Variants in PCDH15 observed in about 807,000 individuals in gnomAD.
PCDH15 encodes protocadherin related 15, also known as protocadherin-15.
A neutral mutation model predicts 178.5 loss-of-function variants in PCDH15; 129 were observed. The ratio of observed to expected loss-of-function variants is 0.72; its 90% CI spans 0.63 to 0.84. The LOEUF is 0.84. Among genes scored for constraint, PCDH15 ranks in the 40% least tolerant of loss-of-function variants. The probability of loss-of-function intolerance (pLI) is 0.00; values close to 1 mark genes in which losing one functional copy is unlikely to be tolerated. For synonymous variants in PCDH15, 800 were observed against 732.0 expected, an observed-to-expected ratio of 1.09 and a Z score of -1.50; for missense variants, 2,230 against 2,099.9, an observed-to-expected ratio of 1.06 and a Z score of -1.21.
chr10:53,831,497 G>T lies in PCDH15; in HGVS notation c.4020C>A (p.Asp1340Glu). 1 of 1,614,086 alleles carries T rather than the reference G, an allele frequency of 6.2e-7. No homozygotes were observed. Among genetic ancestry groups the T allele is most frequent in the Non-Finnish European group, 8.5e-7 (1 of 1,180,000 alleles). ...LDGKLLDINK[D>E]FQPYYGEGGR... Reference sequence around the variant, plus strand: ...CTCCTTCCCCATAATACGGCTGAAAGTCTTTATTGATATCAAGTAGTTTGC... The same window carrying T: ...CTCCTTCCCCATAATACGGCTGAAATTCTTTATTGATATCAAGTAGTTTGC... The change falls in exon 30 of 38, where the codon GAC becomes GAA. Residue 1340 changes from aspartate to glutamate, a missense_variant. By Grantham distance (45) the Asp-to-Glu change is conservative. Coordinates refer to ENST00000644397, the MANE Select transcript of PCDH15 (RefSeq NM_001384140.1).
intron 2 of PCDH15, among the ~76,000 whole-genome samples, chr10:54,583,461 G>A (rs1198581876): frequency 6.6e-6 from 1 of 151,940 alleles, no homozygotes; most frequent in Admixed American, 6.6e-5. Flanking sequence ...CTAGGTGTGG[G>A]CCTGTAGACA....
chr10:54,555,527 T>G (rs2087107526), intron 2 of PCDH15, among the ~76,000 whole-genome samples: 1 of 151,246 alleles, frequency 6.6e-6, no homozygotes, highest in African/African-American at 2.4e-5. Context: ...CTCAGGAGTT[T>G]GAGACCAGCC....
intron 3 of PCDH15, among the ~76,000 whole-genome samples, chr10:54,405,152 G>A (rs1316031599): frequency 2.0e-5 from 3 of 152,038 alleles, no homozygotes; most frequent in Non-Finnish European, 4.4e-5. Flanking sequence ...CCATTACTGA[G>A]TTTATACCTG....
At chr10:53,908,446 T>C (rs1393008181) in intron 25 of PCDH15, among the ~76,000 whole-genome samples, 1 of 152,252 alleles carries the variant, frequency 6.6e-6, no homozygotes, top group Non-Finnish European at 1.5e-5. Context: ...CAAAATATGC[T>C]GTAATTATTT....
At chr10:54,966,196 A>T (rs935938458) in intron 2 of PCDH15, among the ~76,000 whole-genome samples, 36 of 151,962 alleles carry the variant, frequency 2.4e-4, no homozygotes, top group South Asian at 4.1e-4. Context: ...TAATTTTTTT[A>T]AAAAAATATT....
chr10:55,321,729 A>G (rs1335112968), upstream of PCDH15, among the ~76,000 whole-genome samples: 1 of 152,210 alleles, frequency 6.6e-6, no homozygotes, highest in East Asian at 1.9e-4. Flanking sequence ...ATAAATTCCA[A>G]CCAAGAATTT....
chr10:54,007,160 T>C (rs1215072520), intron 20 of PCDH15, among the ~76,000 whole-genome samples: 2 of 152,224 alleles, frequency 1.3e-5, no homozygotes, highest in Non-Finnish European at 2.9e-5. Context: ...GTGTATTTTC[T>C]ATATTATGTT....
chr10:55,176,391 CT>C (rs1839487769), intron 1 of PCDH15, among the ~76,000 whole-genome samples: 1 of 152,106 alleles, frequency 6.6e-6, no homozygotes, highest in African/African-American at 2.4e-5. Flanking sequence ...TGTCTTCCCC[CT>C]GGTGGAGACT....
At chr10:54,618,405 G>T (rs7099039) in intron 2 of PCDH15, among the ~76,000 whole-genome samples, 3 of 151,948 alleles carry the variant, frequency 2.0e-5, no homozygotes, top group African/African-American at 7.2e-5. Flanking sequence ...TGTAAAACCG[G>T]GGAAATATTT....
chr10:54,265,841 C>A (rs201264939), intron 8 of PCDH15, among the ~76,000 whole-genome samples: 1 of 151,970 alleles, frequency 6.6e-6, no homozygotes, highest in Non-Finnish European at 1.5e-5. Context: ...GACTTCTACA[C>A]CCAACTGACA....
chr10:54,393,850 T>A (rs1279287999), intron 3 of PCDH15, among the ~76,000 whole-genome samples: 1 of 152,122 alleles, frequency 6.6e-6, no homozygotes, highest in East Asian at 1.9e-4. Context: ...CTATAGCTAA[T>A]AATGCACATG....
intron 23 of PCDH15, among the ~76,000 whole-genome samples, chr10:53,957,378 T>C (rs1284675748): frequency 6.6e-6 from 1 of 152,146 alleles, no homozygotes; most frequent in Non-Finnish European, 1.5e-5. Context: ...ATTAACATGT[T>C]CAGAGAAGTT....
intron 2 of PCDH15, among the ~76,000 whole-genome samples, chr10:54,637,983 T>G (rs538091736): frequency 5.7e-4 from 87 of 152,200 alleles, no homozygotes; most frequent in African/African-American, 1.8e-3. Context: ...GTACAGTCTC[T>G]TAAAATAATT....
chr10:54,418,795 T>C (rs1758814), intron 3 of PCDH15, among the ~76,000 whole-genome samples: 31,233 of 151,776 alleles, frequency 0.21, 4,000 homozygotes, highest in African/African-American at 0.36. Context: ...CAACAAATAT[T>C]TGTAAGTCTT....
At chr10:54,808,537 G>A (rs2133725694) in intron 3 of PCDH15, among the ~76,000 whole-genome samples, 1 of 152,232 alleles carries the variant, frequency 6.6e-6, no homozygotes, top group African/African-American at 2.4e-5. Context: ...TCATCTTTTA[G>A]CTCCTACTGC....
intron 2 of PCDH15, among the ~76,000 whole-genome samples, chr10:55,555,597 T>G (rs1458460478): frequency 6.6e-6 from 1 of 152,132 alleles, no homozygotes; most frequent in Non-Finnish European, 1.5e-5. Flanking sequence ...TGAAGACCAC[T>G]TATTTTACAC....
At chr10:54,757,884 C>G (rs538976073) in intron 1 of PCDH15, among the ~76,000 whole-genome samples, 2 of 152,140 alleles carry the variant, frequency 1.3e-5, no homozygotes, top group South Asian at 4.2e-4. Flanking sequence ...CAAAAGGCAT[C>G]AAAAGAAACA....
rs1839757601 is a variant in PCDH15 at position 55,463,969 on chromosome 10, GAA to G, written c.-156+163654_-156+163655del. Among the ~76,000 whole-genome samples the G allele has an allele frequency of 3.8e-3, 136 of 35,438 alleles. 29 individuals carry two copies. The highest frequency in any genetic ancestry group is 1.9e-3 in the Admixed American group (6 of 3,186). 23.2% of individuals were successfully genotyped at this position (35,438 alleles called of 152,430 possible). A position where few individuals can be genotyped will look rare whatever the true frequency, so the allele number is the denominator to read the frequency against. On this transcript the variant is annotated intron_variant, in intron 2 of 5. Transcript: ENST00000613346. ...AGAAAGAAAGAAAGAAAGAAAGAAA[GAA>G]AGAGAAAGAAAGAAAGAAAGAGAAA...
At chr10:54,353,092 T>C (rs375546273) in intron 5 of PCDH15, among the ~76,000 whole-genome samples, 18 of 152,264 alleles carry the variant, frequency 1.2e-4, no homozygotes, top group African/African-American at 4.1e-4. Flanking sequence ...AATTACAATG[T>C]CTCTGAATCT....
Sources: gnomAD v4.1 joint callset for allele counts (sites outside exome capture counted in the v4.1 genomes callset) on GRCh38, gnomAD v4.1.1 for gene constraint, MANE v1.5 for transcripts, NCBI Gene and HGNC (gene_info 2026-07-23, HGNC 2026-07-21) for gene names.